Variants in AKT1 observed in about 807,000 individuals in gnomAD.
AKT1 encodes the protein AKT serine/threonine kinase 1.
A neutral mutation model predicts 63.1 loss-of-function variants in AKT1; 21 were observed. That is an observed-to-expected ratio of 0.33 (90% CI 0.24 to 0.48). The LOEUF (loss-of-function observed/expected upper bound fraction) is 0.48, where lower values mean the gene tolerates loss of function less well. Among genes scored for constraint, AKT1 ranks in the 20% least tolerant of loss-of-function variants. The pLI is 0.99. For synonymous variants in AKT1, 257 were observed against 253.1 expected (o/e 1.02, Z -0.15); for missense variants, 382 against 666.0 (o/e 0.57, Z 4.69).
At chr14:104,789,121 C>G (rs545188943) in intron 3 of AKT1, among the ~76,000 whole-genome samples, 2 of 152,350 alleles carry the variant, frequency 1.3e-5, no homozygotes, top group African/African-American at 4.8e-5. Flanking sequence ...TCTTCCCCGG[C>G]CCCTCTCGGA....
intron 5 of AKT1, chr14:104,776,085 C>CG: frequency 1.2e-5 from 4 of 342,144 alleles, no homozygotes; most frequent in Admixed American, 4.7e-5. Context: ...ACTCCGCCCC[C>CG]CCCAAGCAGG....
intron 3 of AKT1, among the ~76,000 whole-genome samples, chr14:104,787,008 G>T (rs1007140669): frequency 6.6e-6 from 1 of 152,024 alleles, no homozygotes; most frequent in Non-Finnish European, 1.5e-5. Context: ...GGGCAGGTGG[G>T]CCCGCCAGGT....
intron 3 of AKT1, among the ~76,000 whole-genome samples, chr14:104,791,952 G>C (rs542262600): frequency 1.3e-5 from 2 of 152,356 alleles, no homozygotes; most frequent in Middle Eastern, 3.4e-3. Context: ...ACGGAGGGTG[G>C]GTGAGGCAGA....
rs1012484456 is a variant in AKT1 at position 104,770,071 on chromosome 14, A to G, written c.*270T>C. 26 of 545,796 alleles carry G rather than the reference A, an allele frequency of 4.8e-5. No individual in the cohort carries two copies. Among genetic ancestry groups the G allele is most frequent in the Middle Eastern group, 4.7e-4 (1 of 2,148 alleles). The allele number at this position is 545,796 out of a possible 1,614,324, so 33.8% of individuals were successfully genotyped here. On this transcript the variant is annotated 3_prime_UTR_variant, in exon 15 of 15. Transcript: ENST00000649815. ...CTGCAGAAGTCCTTAACATTTCCCTACGTGAATCGGATTGTTCTGAGGGCT... is the reference window on the plus strand; with the variant it reads ...CTGCAGAAGTCCTTAACATTTCCCTGCGTGAATCGGATTGTTCTGAGGGCT...
At chr14:104,776,508 CCA>C in intron 5 of AKT1, 149 bp downstream of exon 5, 1 of 634,580 alleles carries the variant, frequency 1.6e-6, no homozygotes, top group Middle Eastern at 3.4e-4. Context: ...CAGGACTGGG[CCA>C]GTTTCCAAAC....
intron 4 of AKT1, among the ~76,000 whole-genome samples, chr14:104,779,518 C>T (rs1168635070): frequency 1.3e-5 from 2 of 152,228 alleles, no homozygotes; most frequent in Non-Finnish European, 2.9e-5. Context: ...AGCTGTCCAC[C>T]CTGAGACTGG....
intron 3 of AKT1, among the ~76,000 whole-genome samples, chr14:104,781,529 C>T (rs570728769): frequency 1.2e-4 from 18 of 152,236 alleles, no homozygotes; most frequent in African/African-American, 2.6e-4. Flanking sequence ...CAGGGAGCCA[C>T]GGGGGAGTTC....
Position 104,775,103 on chromosome 14 carries a change from G to A in AKT1, c.540C>T (p.Ile180=). ...KATGRYYAMK[I]LKKEVIVAKD... Reference sequence around the variant, plus strand: ...TGGCCACGATGACTTCCTTCTTGAGGATCTTCATGGCGTAGTAGCGGCCTG... The same window carrying A: ...TGGCCACGATGACTTCCTTCTTGAGAATCTTCATGGCGTAGTAGCGGCCTG... The change falls in exon 7 of 15, where the codon ATC becomes ATT. Residue 180 remains isoleucine (I), a synonymous_variant. Coordinates refer to ENST00000649815, the MANE Select transcript of AKT1 (RefSeq NM_001382430.1). The A allele has an allele frequency of 6.2e-7, 1 of 1,614,038 alleles. No individual in the cohort carries two copies. Among genetic ancestry groups the A allele is most frequent in the Non-Finnish European group, 8.5e-7 (1 of 1,180,020 alleles).
At chr14:104,770,967 T>G in intron 13 of AKT1, 120 bp from the exon 14 acceptor site, 1 of 854,378 alleles carries the variant, frequency 1.2e-6, no homozygotes, top group Non-Finnish European at 1.8e-6. Flanking sequence ...GCAGGACTGA[T>G]GTCAGAGAGC....
At chr14:104,787,550 CG>C (rs1893397586) in intron 3 of AKT1, among the ~76,000 whole-genome samples, 1 of 152,258 alleles carries the variant, frequency 6.6e-6, no homozygotes, top group Non-Finnish European at 1.5e-5. Flanking sequence ...GGGACGCCAG[CG>C]GGGGCCGCGC....
At chr14:104,772,849 A>G in intron 12 of AKT1, 29 bp downstream of exon 12, 1 of 1,589,134 alleles carries the variant, frequency 6.3e-7, no homozygotes, top group Non-Finnish European at 8.5e-7. Context: ...ATGGAGGTGT[A>G]GCCTGTAGCT....
intron 3 of AKT1, among the ~76,000 whole-genome samples, chr14:104,789,319 C>A (rs377010016): frequency 6.6e-6 from 1 of 152,260 alleles, no homozygotes; most frequent in South Asian, 2.1e-4. Flanking sequence ...AGGAAGACAG[C>A]CGCGAGTGGA....
At chr14:104,779,991 G>A (rs2140947462) in intron 4 of AKT1, 97 bp downstream of exon 4, 1 of 1,515,192 alleles carries the variant, frequency 6.6e-7, no homozygotes, top group Non-Finnish European at 8.9e-7. Flanking sequence ...CCAGGACTTG[G>A]AGGCTCCAGG....
chr14:104,778,951 TAC>T (rs1303888125), intron 4 of AKT1, among the ~76,000 whole-genome samples: 2 of 152,152 alleles, frequency 1.3e-5, no homozygotes, highest in African/African-American at 4.8e-5. Context: ...CCCTGCCACA[TAC>T]AGATGGCCCA....
chr14:104,774,107 ACTGCCCGACACCACG>A, intron 8 of AKT1, 127 bp from the exon 9 acceptor site: 1 of 788,426 alleles, frequency 1.3e-6, no homozygotes. Flanking sequence ...CCCACACCAC[ACTGCCCGACACCACG>A]CTGCCTGATA....
intron 3 of AKT1, among the ~76,000 whole-genome samples, chr14:104,782,268 C>G (rs1324139809): frequency 1.3e-5 from 2 of 152,076 alleles, no homozygotes; most frequent in African/African-American, 4.8e-5. Flanking sequence ...TGGAGTGCCT[C>G]CCATCCTGCC....
chr14:104,786,350 G>C (rs994369680), intron 3 of AKT1: 1 of 152,268 alleles, frequency 6.6e-6, no homozygotes, highest in East Asian at 1.9e-4. Context: ...CCTGCTGCGA[G>C]GGAGGGCTGG....
At chr14:104,774,192 A>G (rs1892576383) in intron 8 of AKT1, 1 of 468,908 alleles carries the variant, frequency 2.1e-6, no homozygotes, top group South Asian at 2.1e-5. Context: ...GCCCCACACC[A>G]TACACCCCCA....
intron 13 of AKT1, 74 bp downstream of exon 13, chr14:104,772,291 C>T (rs1409344490): frequency 6.0e-6 from 9 of 1,503,210 alleles, no homozygotes; most frequent in Middle Eastern, 1.7e-4. Flanking sequence ...ATCTGGCGAG[C>T]GTGCCACGTG....
Sources: gnomAD v4.1 joint callset for allele counts (sites outside exome capture counted in the v4.1 genomes callset) on GRCh38, gnomAD v4.1.1 for gene constraint, MANE v1.5 for transcripts, NCBI Gene and HGNC (gene_info 2026-07-23, HGNC 2026-07-21) for gene names.